Variants in MSRB3 observed in about 807,000 individuals in gnomAD.
MSRB3 encodes methionine-R-sulfoxide reductase B3.
Under a neutral mutation model 21.0 loss-of-function variants are expected in MSRB3, and 13 were observed. The ratio of observed to expected loss-of-function variants is 0.62; its 90% CI spans 0.40 to 0.98. The LOEUF is 0.98. Among genes scored for constraint, MSRB3 ranks in the 50% least tolerant of loss-of-function variants. The probability of loss-of-function intolerance (pLI) is 0.00; values close to 1 mark genes in which losing one functional copy is unlikely to be tolerated. For synonymous variants in MSRB3, 87 were observed against 88.6 expected, an observed-to-expected ratio of 0.98 and a Z score of 0.10; for missense variants, 199 against 230.3, an observed-to-expected ratio of 0.86 and a Z score of 0.88.
chr12:65,462,367 G>A lies in MSRB3; in HGVS notation c.391-788G>A, dbSNP rs1255947654. 2.0e-5 allele frequency among the ~76,000 whole-genome samples: 3 copies of A among 152,102 alleles called. No homozygotes were observed. The South Asian group carries it at 6.2e-4, about 32-fold the overall frequency. On this transcript the variant is annotated intron_variant, in intron 6 of 6. Transcript: ENST00000308259. The stretch of plus-strand genomic sequence containing the variant: ...AGCCTTTTTGGAGAAACTTTCTCTG[G>A]GCTTTATTTCTCTCAAACACCAACA...
chr12:65,413,144 T>G (rs770758576), intron 5 of MSRB3, among the ~76,000 whole-genome samples: 3 of 152,194 alleles, frequency 2.0e-5, no homozygotes, highest in Non-Finnish European at 4.4e-5. Flanking sequence ...TTACCCTATG[T>G]CAACAGTGTC....
chr12:65,330,895 G>A (rs1479832409), intron 4 of MSRB3, among the ~76,000 whole-genome samples: 1 of 152,112 alleles, frequency 6.6e-6, no homozygotes, highest in African/African-American at 2.4e-5. Context: ...TAAGTGAGAA[G>A]GCTGCCATGA....
At chr12:65,444,461 A>T (rs1882523952) in intron 5 of MSRB3, among the ~76,000 whole-genome samples, 2 of 152,212 alleles carry the variant, frequency 1.3e-5, no homozygotes, top group South Asian at 2.1e-4. Flanking sequence ...TTTTTTTAAC[A>T]TGTCTAAATA....
chr12:65,398,800 G>A (rs1291553393), intron 5 of MSRB3, among the ~76,000 whole-genome samples: 1 of 152,096 alleles, frequency 6.6e-6, no homozygotes, highest in African/African-American at 2.4e-5. Flanking sequence ...TGTAAGGAAG[G>A]GTTCGGTTTC....
chr12:65,436,939 C>T (rs1385048457), intron 5 of MSRB3, among the ~76,000 whole-genome samples: 2 of 151,804 alleles, frequency 1.3e-5, no homozygotes, highest in African/African-American at 4.8e-5. Flanking sequence ...ATCTCTAAAC[C>T]CCAGTTTCTT....
chr12:65,389,806 T>C (rs950095023), intron 5 of MSRB3, among the ~76,000 whole-genome samples: 8 of 152,336 alleles, frequency 5.3e-5, no homozygotes, highest in African/African-American at 1.9e-4. Context: ...TGTAGCTCCT[T>C]CACACAGGCT....
intron 6 of MSRB3, among the ~76,000 whole-genome samples, chr12:65,457,515 C>A (rs1179720517): frequency 6.6e-6 from 1 of 152,094 alleles, no homozygotes; most frequent in Non-Finnish European, 1.5e-5. Flanking sequence ...ATGATGGTTT[C>A]CAGCTTCATC....
At chr12:65,351,894 A>G (rs1592554082) in intron 4 of MSRB3, among the ~76,000 whole-genome samples, 1 of 152,032 alleles carries the variant, frequency 6.6e-6, no homozygotes, top group East Asian at 1.9e-4. Context: ...ACAAGGAGGA[A>G]CTGGTACCAT....
chr12:65,311,728 T>C (rs1250537008), intron 2 of MSRB3, among the ~76,000 whole-genome samples: 1 of 152,042 alleles, frequency 6.6e-6, no homozygotes, highest in South Asian at 2.1e-4. Flanking sequence ...ATCAAAAAGA[T>C]GTCTGTTCCC....
At chr12:65,321,775 A>C (rs191589051) in intron 2 of MSRB3, among the ~76,000 whole-genome samples, 1 of 152,296 alleles carries the variant, frequency 6.6e-6, no homozygotes, top group Admixed American at 6.5e-5. Flanking sequence ...CTGAAGTAAA[A>C]ATTTGCTTAG....
rs1025540786 is a variant in MSRB3 at position 65,327,056 on chromosome 12, T to G, written c.185+122T>G. 23 of 746,690 alleles carry G rather than the reference T, an allele frequency of 3.1e-5. No homozygotes were observed. In the African/African-American group the frequency reaches 4.0e-4, roughly 13 times the overall value. 46.3% of individuals were successfully genotyped at this position (746,690 alleles called of 1,614,324 possible). On this transcript the variant is annotated intron_variant, in intron 3 of 6. Coordinates refer to ENST00000308259, the MANE Select transcript of MSRB3 (RefSeq NM_001031679.3). ...ATACTTACTTGCTAAAGTCTATGAA[T>G]TAGTATCCTTGAAAAGGTTAAAATG...
chr12:65,289,484 T>G (rs1281891024), intron 1 of MSRB3, among the ~76,000 whole-genome samples: 1 of 152,078 alleles, frequency 6.6e-6, no homozygotes, highest in East Asian at 1.9e-4. Flanking sequence ...CAGAGTGAGA[T>G]TCTATCTAAA....
chr12:65,364,912 G>T (rs911691395), intron 4 of MSRB3, among the ~76,000 whole-genome samples: 2 of 152,126 alleles, frequency 1.3e-5, no homozygotes, highest in Admixed American at 6.5e-5. Flanking sequence ...TGAGTGTTCA[G>T]TACTGTATCT....
At chr12:65,396,484 A>G (rs527745758) in intron 5 of MSRB3, among the ~76,000 whole-genome samples, 36 of 152,256 alleles carry the variant, frequency 2.4e-4, no homozygotes, top group Admixed American at 1.7e-3. Context: ...TGAGGTCAGG[A>G]GTTCAAGACC....
chr12:65,453,532 G>T (rs1882951655), intron 5 of MSRB3, among the ~76,000 whole-genome samples, 196 bp from the exon 6 acceptor site: 1 of 152,114 alleles, frequency 6.6e-6, no homozygotes, highest in Non-Finnish European at 1.5e-5. Context: ...CTGAATATGA[G>T]GAAAGGGTTA....
intron 4 of MSRB3, among the ~76,000 whole-genome samples, chr12:65,363,162 C>T (rs1213326250): frequency 2.0e-5 from 3 of 152,202 alleles, no homozygotes; most frequent in African/African-American, 4.8e-5. Flanking sequence ...AGCACCCTCA[C>T]TTCTCTGACA....
At chr12:65,303,622 C>T (rs1401088600) in intron 1 of MSRB3, among the ~76,000 whole-genome samples, 1 of 152,090 alleles carries the variant, frequency 6.6e-6, no homozygotes, top group African/African-American at 2.4e-5. Context: ...TTTTCATAGT[C>T]TTTCACTCAA....
At chr12:65,446,481 T>G (rs967092742) in intron 5 of MSRB3, among the ~76,000 whole-genome samples, 1 of 152,190 alleles carries the variant, frequency 6.6e-6, no homozygotes, top group Non-Finnish European at 1.5e-5. Flanking sequence ...ATTTGTTGCT[T>G]CTTCAAATGA....
At chr12:65,358,928 T>C (rs1358811112) in intron 4 of MSRB3, among the ~76,000 whole-genome samples, 1 of 151,968 alleles carries the variant, frequency 6.6e-6, no homozygotes, top group African/African-American at 2.4e-5. Context: ...CATTCCTTCC[T>C]GGATGCATTG....
Sources: allele counts gnomAD v4.1 joint callset (sites outside exome capture counted in the v4.1 genomes callset), GRCh38; gene constraint gnomAD v4.1.1; transcripts MANE v1.5; gene names NCBI Gene and HGNC (gene_info 2026-07-23, HGNC 2026-07-21).